CAB39L: variants seen among roughly 807,000 people sequenced by gnomAD.
CAB39L encodes calcium-binding protein 39-like.
CAB39L carries 23 observed loss-of-function variants against 39.1 expected under a neutral mutation model. The ratio of observed to expected loss-of-function variants is 0.59; its 90% CI spans 0.42 to 0.83. The LOEUF is 0.83. Ranked by LOEUF, CAB39L falls within the 40% of genes least tolerant of loss-of-function variation. CAB39L has a pLI of 0.00. For missense variants in CAB39L, 366 were observed against 391.9 expected, an observed-to-expected ratio of 0.93 and a Z score of 0.56; for synonymous variants, 126 against 137.2, an observed-to-expected ratio of 0.92 and a Z score of 0.57.
intron 1 of CAB39L, among the ~76,000 whole-genome samples, chr13:49,443,083 T>TAAAAA (rs71078845): frequency 7.9e-4 from 92 of 116,514 alleles, no homozygotes; most frequent in African/African-American, 3.0e-3. Context: ...ACAACAATGC[T>TAAAAA]AAAAAAAAAA....
intron 7 of CAB39L, among the ~76,000 whole-genome samples, chr13:49,348,695 A>T (rs765108069): frequency 3.3e-5 from 5 of 152,148 alleles, no homozygotes; most frequent in African/African-American, 4.8e-5. Flanking sequence ...TATTCCCATC[A>T]TTCTCAAACA....
chr13:49,365,639 G>C (rs140576816), intron 5 of CAB39L, among the ~76,000 whole-genome samples: 127 of 152,286 alleles, frequency 8.3e-4, no homozygotes, highest in Middle Eastern at 3.4e-3. Flanking sequence ...TAAACGTCAG[G>C]TAACAACTAT....
chr13:49,436,550 T>C (rs1175440024), intron 1 of CAB39L, among the ~76,000 whole-genome samples: 1 of 142,262 alleles, frequency 7.0e-6, no homozygotes, highest in Non-Finnish European at 1.5e-5. Context: ...TCTTTCTTTA[T>C]GACTTTTTTT....
At chr13:49,418,656 C>A (rs1398677799) in intron 3 of CAB39L, among the ~76,000 whole-genome samples, 1 of 152,166 alleles carries the variant, frequency 6.6e-6, no homozygotes, top group East Asian at 1.9e-4. Context: ...GCAACCTTCC[C>A]CTCCTAGGTT....
Position 49,344,383 on chromosome 13 carries a change from C to T in CAB39L, c.565-145G>A, listed in dbSNP as rs943399693. 4 of 579,266 alleles carry T rather than the reference C, an allele frequency of 6.9e-6. No individual in the cohort carries two copies. The African/African-American group carries it at 7.6e-5, about 11-fold the overall frequency. The allele number at this position is 579,266 out of a possible 1,614,324, so 35.9% of individuals were successfully genotyped here. ...AAATTATTTCCATTCCTAGCTTAGC[C>T]TAAGATGTGAAATACAAGTTTGTTT... On this transcript the variant is annotated intron_variant, in intron 7 of 10. Transcript: ENST00000409308.
intron 10 of CAB39L, among the ~76,000 whole-genome samples, chr13:49,321,374 A>C (rs567529471): frequency 1.3e-5 from 2 of 152,362 alleles, no homozygotes; most frequent in East Asian, 1.9e-4. Flanking sequence ...TCAAAAAGAT[A>C]GATATCATCT....
chr13:49,345,440 C>T (rs531241691), intron 7 of CAB39L, among the ~76,000 whole-genome samples: 1 of 152,206 alleles, frequency 6.6e-6, no homozygotes, highest in Admixed American at 6.5e-5. Context: ...GTTTTTCCCC[C>T]CCAGTGGAGC....
At chr13:49,404,445 A>G (rs76815462) in intron 3 of CAB39L, among the ~76,000 whole-genome samples, 3 of 133,442 alleles carry the variant, frequency 2.2e-5, no homozygotes, top group Non-Finnish European at 3.2e-5. Flanking sequence ...AGAGGTCTGG[A>G]AAAAAAAAAA....
rs1393223713 is a variant in CAB39L, at chr13:49,377,359, G to A, written c.112-228C>T. Among the ~76,000 whole-genome samples the A allele has an allele frequency of 4.9e-5, 2 of 40,500 alleles. 1 individual carries two copies. The highest frequency in any genetic ancestry group is 4.4e-4 in the African/African-American group (2 of 4,552). The allele number at this position is 40,500 out of a possible 152,430, so 26.6% of individuals were successfully genotyped here. On this transcript the variant is annotated intron_variant, in intron 4 of 10. Coordinates refer to ENST00000409308, the MANE Select transcript of CAB39L (RefSeq NM_001079670.3). ...TCAAAGGTTGCCAGCCTGGCTCTAAGAGCCGGGGCTATACAAGAAACTTTT... is the reference window on the plus strand; with the variant it reads ...TCAAAGGTTGCCAGCCTGGCTCTAAAAGCCGGGGCTATACAAGAAACTTTT...
Position 49,347,320 on chromosome 13 carries a change from G to T in CAB39L, c.565-3082C>A, listed in dbSNP as rs188525507. On this transcript the variant is annotated intron_variant, in intron 7 of 10. Transcript: ENST00000409308. The stretch of plus-strand genomic sequence containing the variant: ...AATATTGTTGCTGAAAATTAAATTG[G>T]GCTGAATATATGACAGCAAGAAATT... Among the ~76,000 whole-genome samples the T allele has an allele frequency of 2.7e-3, 406 of 152,084 alleles. 1 individual carries two copies. Among genetic ancestry groups the T allele is most frequent in the African/African-American group, 9.4e-3 (391 of 41,456 alleles).
rs1367614646 is a variant in CAB39L at position 49,344,211 on chromosome 13, C to T, written c.592G>A (p.Val198Ile). 2 of 1,601,550 alleles carry T rather than the reference C, an allele frequency of 1.2e-6. No individual in the cohort carries two copies. The highest frequency in any genetic ancestry group is 1.7e-6 in the Non-Finnish European group (2 of 1,169,262). Residue 198 changes from valine to isoleucine, a missense_variant, in exon 8 of 11, where the codon GTA becomes ATA. By Grantham distance (29) the Val-to-Ile change is conservative. Transcript: ENST00000409308. ...TAATTTTGTTCTAAGAAGTCTGCTA[C>T]CAACACTTTATGTCTGGTTAGTAAA... ...KDLLTRHKVL[V>I]ADFLEQNYDT... is the part of the protein sequence containing the mutation.
intron 3 of CAB39L, chr13:49,401,693 T>A (rs1312775981): frequency 6.6e-6 from 1 of 152,226 alleles, no homozygotes; most frequent in African/African-American, 2.4e-5. Context: ...CACTTTTTTC[T>A]GTCTTAAGTC....
chr13:49,314,915 T>G (rs946953727), intron 10 of CAB39L, among the ~76,000 whole-genome samples: 1 of 152,194 alleles, frequency 6.6e-6, no homozygotes, highest in African/African-American at 2.4e-5. Flanking sequence ...TTCAAATGCA[T>G]GGAGTAGAAC....
At chr13:49,311,062 G>A in intron 10 of CAB39L, 69 bp from the exon 11 acceptor site, 1 of 1,408,884 alleles carries the variant, frequency 7.1e-7, no homozygotes, top group Non-Finnish European at 9.8e-7. Context: ...AGCAGTGCAG[G>A]CCAGGGACCT....
chr13:49,365,175 G>T (rs747930602), intron 5 of CAB39L, among the ~76,000 whole-genome samples: 3 of 152,106 alleles, frequency 2.0e-5, no homozygotes, highest in African/African-American at 7.2e-5. Context: ...TTTTACAAAG[G>T]TGCTGAGAAC....
intron 3 of CAB39L, among the ~76,000 whole-genome samples, chr13:49,408,393 C>T (rs1376465285): frequency 6.6e-6 from 1 of 152,200 alleles, no homozygotes; most frequent in South Asian, 2.1e-4. Flanking sequence ...TGCCCACAGG[C>T]AGCTGAACAT....
At chr13:49,385,056 T>A (rs1956328141) in intron 3 of CAB39L, among the ~76,000 whole-genome samples, 1 of 152,254 alleles carries the variant, frequency 6.6e-6, no homozygotes, top group South Asian at 2.1e-4. Flanking sequence ...TTTCTAGCTA[T>A]GAAAATCCTA....
rs1953958600 is a variant in CAB39L, at chr13:49,310,769, C to T, written c.*45G>A. The T allele has an allele frequency of 6.3e-7, 1 of 1,592,414 alleles. No individual in the cohort carries two copies. The highest frequency in any genetic ancestry group is 8.6e-7 in the Non-Finnish European group (1 of 1,167,294). On this transcript the variant is annotated 3_prime_UTR_variant, in exon 11 of 11. Transcript: ENST00000409308. ...TTTCTGAAATGACACACTGTACAAA[C>T]TGGACAAATGAGACGACTGACTGTG...
intron 10 of CAB39L, among the ~76,000 whole-genome samples, chr13:49,321,283 CT>C (rs1173246284): frequency 6.6e-6 from 1 of 152,154 alleles, no homozygotes; most frequent in African/African-American, 2.4e-5. Context: ...GTACATAGTA[CT>C]TTGTAAACTA....
Sources: allele counts gnomAD v4.1 joint callset (sites outside exome capture counted in the v4.1 genomes callset), GRCh38; gene constraint gnomAD v4.1.1; transcripts MANE v1.5; gene names NCBI Gene and HGNC (gene_info 2026-07-23, HGNC 2026-07-21).